SYNE3: variants seen among roughly 807,000 people sequenced by gnomAD.
SYNE3 encodes the protein nesprin-3.
In SYNE3, 100 loss-of-function variants were observed where a neutral mutation model predicts 111.2. The ratio of observed to expected loss-of-function variants is 0.90; its 90% CI spans 0.77 to 1.06. The LOEUF is 1.06. SYNE3 is among the 50% of genes least tolerant of loss of function. SYNE3 has a pLI of 0.00. For synonymous variants in SYNE3, 547 were observed against 533.9 expected (o/e 1.02, Z -0.34); for missense variants, 1,160 against 1,240.3 (o/e 0.94, Z 0.97).
intron 4 of SYNE3, among the ~76,000 whole-genome samples, chr14:95,464,433 C>T (rs548663350): frequency 2.6e-5 from 4 of 152,296 alleles, no homozygotes; most frequent in African/African-American, 9.6e-5. Context: ...TGCCCGCCCC[C>T]ACTAGCCAAA....
intron 1 of SYNE3, among the ~76,000 whole-genome samples, chr14:95,502,796 G>A (rs1041397589): frequency 1.3e-4 from 20 of 152,138 alleles, no homozygotes; most frequent in South Asian, 2.1e-4. Flanking sequence ...AGCCCTTTCC[G>A]CTAGCCCCGC....
Position 95,457,209 on chromosome 14 carries a change from G to C in SYNE3, c.757C>G (p.Leu253Val). 1 of 1,614,054 alleles carries C rather than the reference G, an allele frequency of 6.2e-7. No homozygotes were observed. The highest frequency in any genetic ancestry group is 8.5e-7 in the Non-Finnish European group (1 of 1,180,000). The change falls in exon 5 of 18, where the codon CTG becomes GTG. Residue 253 changes from leucine (L) to valine (V), a missense_variant. Leu to Val is a conservative substitution (Grantham distance 32). Coordinates refer to ENST00000682763, the MANE Select transcript of SYNE3 (RefSeq NM_152592.6). ...VNGCLGRNCKLPITQRLSTLQ... is the reference protein window; with the variant it reads ...VNGCLGRNCKVPITQRLSTLQ... Reference sequence around the variant, plus strand: ...GTGGAGAGGCGCTGCGTGATGGGCAGCTTGCAGTTCCGCCCCAGGCAGCCA... The same window carrying C: ...GTGGAGAGGCGCTGCGTGATGGGCACCTTGCAGTTCCGCCCCAGGCAGCCA...
In SYNE3 at chr14:95,410,522, G is replaced by C. The variant is rs567489922; in HGVS notation, c.*7304C>G. The C allele has an allele frequency of 3.3e-5, 5 of 152,438 alleles. No individual in the cohort carries two copies. Among genetic ancestry groups the C allele is most frequent in the African/African-American group, 1.2e-4 (5 of 41,568 alleles). The allele number at this position is 152,438 out of a possible 1,614,324, so 9.4% of individuals were successfully genotyped here. On this transcript the variant is annotated 3_prime_UTR_variant, in exon 18 of 18. Transcript: ENST00000682763. ...CTAATGAGGAGGGCAGATTCGTCTA[G>C]TTCACTCCCCTTCTTCCTACCTGGA...
chr14:95,489,628 T>C (rs543505952), intron 1 of SYNE3, among the ~76,000 whole-genome samples: 9 of 152,366 alleles, frequency 5.9e-5, no homozygotes, highest in Admixed American at 4.6e-4. Context: ...TTTATTTGAT[T>C]ATTTTTAGAG....
chr14:95,446,576 C>A (rs983914370), intron 8 of SYNE3, among the ~76,000 whole-genome samples: 9 of 152,138 alleles, frequency 5.9e-5, no homozygotes, highest in African/African-American at 1.4e-4. Flanking sequence ...CACCCCCCAG[C>A]GCTATCTGCA....
chr14:95,500,352 A>G lies in SYNE3; in HGVS notation c.-15+16244T>C, dbSNP rs1208315948. 1.3e-5 allele frequency among the ~76,000 whole-genome samples: 2 copies of G among 152,174 alleles called. No homozygotes were observed. The highest frequency in any genetic ancestry group is 2.9e-5 in the Non-Finnish European group (2 of 68,030). ...TGAGAAGCCGGGCATCCAGCCTAGG[A>G]ACTGCCTTTTGTCCCGCTGCTCTCT... is the stretch of plus-strand genomic sequence containing the variant. On this transcript the variant is annotated intron_variant, in intron 1 of 17. Transcript: ENST00000682763. The surrounding 1 kb of genome is among the most constrained non-coding windows in gnomAD (Gnocchi z 4.7).
At chr14:95,491,631 A>C (rs1246479382) in intron 1 of SYNE3, among the ~76,000 whole-genome samples, 5 of 152,226 alleles carry the variant, frequency 3.3e-5, no homozygotes, top group African/African-American at 1.2e-4. Context: ...CTGAAGAAGA[A>C]AACATACGCA....
In SYNE3 at chr14:95,465,986, T is replaced by C. The variant is rs749211983; in HGVS notation, c.572A>G (p.Glu191Gly). ...FNRIGDPSVD[E>G]DAQKRMKAEY... ...AGCCTTCATTCTCTTCTGGGCATCT[T>C]CGTCCACGCTGGGGTCCCCGATCCT... The change falls in exon 4 of 18, where the codon GAA becomes GGA. Residue 191 changes from glutamate (E) to glycine (G), a missense_variant. Transcript: ENST00000682763. 3 of 1,605,016 alleles carry C rather than the reference T, an allele frequency of 1.9e-6. No homozygotes were observed. The highest frequency in any genetic ancestry group is 1.7e-6 in the Non-Finnish European group (2 of 1,172,522).
At chr14:95,434,080 C>T (rs894792529) in intron 15 of SYNE3, among the ~76,000 whole-genome samples, 4 of 151,478 alleles carry the variant, frequency 2.6e-5, no homozygotes, top group Non-Finnish European at 5.9e-5. Flanking sequence ...GGTGGTGGTG[C>T]GGTGGGGGGA....
intron 1 of SYNE3, among the ~76,000 whole-genome samples, chr14:95,478,693 A>C (rs1889040492): frequency 6.6e-6 from 1 of 152,198 alleles, no homozygotes. Context: ...GTCAGGTAGA[A>C]AATGTTTTTA....
At position 95,475,707 on chromosome 14, in the gene SYNE3, C is replaced by T; in HGVS notation, c.115G>A (p.Ala39Thr). Residue 39 changes from alanine to threonine, a missense_variant, in exon 2 of 18, where the codon GCC (alanine) becomes ACC (threonine). By Grantham distance (58) the Ala-to-Thr change is moderately conservative (BLOSUM62 0). Transcript: ENST00000682763. ...VNDNTQGPRA[A>T]LEARLWETEK... ...GTCTCCCACAGCCTGGCCTCCAGGG[C>T]CGCGCGGGGTCCCTGCGTGTTGTCA... The T allele has an allele frequency of 1.3e-6, 2 of 1,593,308 alleles. No homozygotes were observed. Among genetic ancestry groups the T allele is most frequent in the Non-Finnish European group, 8.5e-7 (1 of 1,171,012 alleles).
At chr14:95,419,822 G>A (rs948856891) in intron 17 of SYNE3, among the ~76,000 whole-genome samples, 21 of 148,544 alleles carry the variant, frequency 1.4e-4, no homozygotes, top group Admixed American at 1.3e-3. Context: ...GTAAGTGTGA[G>A]TGATAGAGAT....
intron 15 of SYNE3, among the ~76,000 whole-genome samples, chr14:95,435,813 C>T (rs1404376901): frequency 6.6e-6 from 1 of 152,070 alleles, no homozygotes; most frequent in Non-Finnish European, 1.5e-5. Flanking sequence ...GGGTTAAACT[C>T]TATAGTGAAA....
chr14:95,460,440 C>T (rs1214217152), intron 4 of SYNE3, among the ~76,000 whole-genome samples: 2 of 143,688 alleles, frequency 1.4e-5, no homozygotes, highest in Non-Finnish European at 3.0e-5. Context: ...AGGTTGGTCT[C>T]GAACTCCTGA....
Position 95,415,757 on chromosome 14 carries a change from C to T in SYNE3, c.*2069G>A, listed in dbSNP as rs528595989. On this transcript the variant is annotated 3_prime_UTR_variant, in exon 18 of 18. Coordinates refer to ENST00000682763, the MANE Select transcript of SYNE3 (RefSeq NM_152592.6). The stretch of plus-strand genomic sequence containing the variant: ...TGCCTGTAATCCCAGTGCTTTGGGA[C>T]GCTGAGGTGGGCGGATCACCTGAGG... 6.5e-4 allele frequency: 98 copies of T among 150,908 alleles called. No homozygotes were observed. The highest frequency in any genetic ancestry group is 2.0e-3 in the African/African-American group (82 of 41,076). 9.3% of individuals were successfully genotyped at this position (150,908 alleles called of 1,614,324 possible).
rs1174042200 is a variant in SYNE3 at position 95,452,419 on chromosome 14, G to A, written c.1138-36C>T. On this transcript the variant is annotated intron_variant, in intron 6 of 17. Coordinates refer to ENST00000682763, the MANE Select transcript of SYNE3 (RefSeq NM_152592.6). Reference sequence around the variant, plus strand: ...TGACGACACCGCAGCGGGAGGTGAGGCTCCTCAACAGGATAAGTGTGTGTG... The same window carrying A: ...TGACGACACCGCAGCGGGAGGTGAGACTCCTCAACAGGATAAGTGTGTGTG... The A allele has an allele frequency of 2.5e-6, 4 of 1,576,192 alleles. No homozygotes were observed. In the South Asian group the frequency reaches 3.5e-5, roughly 14 times the overall value.
intron 1 of SYNE3, among the ~76,000 whole-genome samples, chr14:95,487,365 T>C (rs570859298): frequency 2.0e-4 from 31 of 152,274 alleles, no homozygotes; most frequent in Admixed American, 3.3e-4. Flanking sequence ...AGACCAAGGA[T>C]TGGGGAGGCC....
rs1347273998 is a variant in SYNE3, at chr14:95,412,480, C to T, written c.*5346G>A. 1 of 152,280 alleles carries T rather than the reference C, an allele frequency of 6.6e-6. No individual in the cohort carries two copies. The highest frequency in any genetic ancestry group is 6.5e-5 in the Admixed American group (1 of 15,286). The allele number at this position is 152,280 out of a possible 1,614,324, so 9.4% of individuals were successfully genotyped here. On this transcript the variant is annotated 3_prime_UTR_variant, in exon 18 of 18. Coordinates refer to ENST00000682763, the MANE Select transcript of SYNE3 (RefSeq NM_152592.6). ...GGCACAGGCTGGAGAATGCTTGTTG[C>T]ATTGGATTAAGATGCAAAGAGGCAC...
At chr14:95,463,561 G>A (rs1887976645) in intron 4 of SYNE3, among the ~76,000 whole-genome samples, 1 of 152,256 alleles carries the variant, frequency 6.6e-6, no homozygotes, top group Non-Finnish European at 1.5e-5. Flanking sequence ...AGGCTGTGGA[G>A]CCAGGCACCT....
Sources: gnomAD v4.1 joint callset for allele counts (sites outside exome capture counted in the v4.1 genomes callset) on GRCh38, gnomAD v4.1.1 for gene constraint, Gnocchi (gnomAD v3.1) non-coding constraint, MANE v1.5 for transcripts, NCBI Gene and HGNC (gene_info 2026-07-23, HGNC 2026-07-21) for gene names.